TRIQK: variants seen among roughly 807,000 people sequenced by gnomAD.
TRIQK encodes triple QxxK/R motif-containing protein.
TRIQK carries 10 observed loss-of-function variants against 10.8 expected under a neutral mutation model. The ratio of observed to expected loss-of-function variants is 0.92; its 90% CI spans 0.57 to 1.57. The LOEUF is 1.57. TRIQK is among the 40% of genes most tolerant of loss of function. The pLI is 0.00. For missense variants in TRIQK, 107 were observed against 97.7 expected, an observed-to-expected ratio of 1.09 and a Z score of -0.40; for synonymous variants, 33 against 33.7, an observed-to-expected ratio of 0.98 and a Z score of 0.07.
rs146458451 is a variant in TRIQK at position 93,010,118 on chromosome 8, AGGGATG to A, written c.-181+7485_-181+7490del. On this transcript the variant is annotated intron_variant, in intron 1 of 4. Transcript: ENST00000520686. ...GTTATCAGAGACTGGGGAGAGTAGGAGGGATGGGGAATGAGGAGAGACGGGTAAAGG... is the reference window on the plus strand; with the variant it reads ...GTTATCAGAGACTGGGGAGAGTAGGAGGGAATGAGGAGAGACGGGTAAAGG... Among the ~76,000 whole-genome samples, 14 of 152,246 alleles carry A rather than the reference AGGGATG, an allele frequency of 9.2e-5. No individual in the cohort carries two copies. The East Asian group carries it at 2.7e-3, about 29-fold the overall frequency.
chr8:93,013,810 A>AC (rs1400240630), intron 1 of TRIQK, among the ~76,000 whole-genome samples: 1 of 152,144 alleles, frequency 6.6e-6, no homozygotes, highest in Non-Finnish European at 1.5e-5. Flanking sequence ...CTAATAAACA[A>AC]CCCACAATAA....
chr8:92,938,665 C>T (rs565047954), intron 2 of TRIQK, among the ~76,000 whole-genome samples: 7 of 152,154 alleles, frequency 4.6e-5, no homozygotes, highest in South Asian at 4.2e-4. Flanking sequence ...CATAACTAAC[C>T]GAGGCACTGT....
At chr8:92,920,289 G>A (rs758274590) in intron 2 of TRIQK, among the ~76,000 whole-genome samples, 5 of 151,486 alleles carry the variant, frequency 3.3e-5, no homozygotes, top group East Asian at 1.9e-4. Flanking sequence ...TGTTACAGTC[G>A]TAAGTATTCT....
chr8:92,994,927 TA>T (rs59817503), intron 1 of TRIQK, among the ~76,000 whole-genome samples: 1,881 of 150,938 alleles, frequency 0.012, 25 homozygotes, highest in African/African-American at 0.037. Flanking sequence ...TTCCTTCTCT[TA>T]AAAAAAAACT....
At chr8:92,920,360 T>C (rs1586426090) in intron 2 of TRIQK, among the ~76,000 whole-genome samples, 3 of 151,704 alleles carry the variant, frequency 2.0e-5, no homozygotes, top group African/African-American at 4.8e-5. Flanking sequence ...AAGATGAAGA[T>C]GAAGTCAGAC....
At chr8:92,910,470 C>A (rs535176101) in intron 3 of TRIQK, among the ~76,000 whole-genome samples, 108 of 150,742 alleles carry the variant, frequency 7.2e-4, no homozygotes, top group African/African-American at 2.5e-3. Flanking sequence ...AAGGAAAAAT[C>A]ACTACAAATG....
chr8:92,983,281 T>C (rs1443374779), intron 1 of TRIQK, among the ~76,000 whole-genome samples: 2 of 151,924 alleles, frequency 1.3e-5, no homozygotes, highest in Non-Finnish European at 2.9e-5. Flanking sequence ...AAATCTCAAT[T>C]CAAGTCAAAA....
chr8:92,972,810 T>G (rs543981683), intron 1 of TRIQK: 2 of 152,348 alleles, frequency 1.3e-5, no homozygotes, highest in South Asian at 4.1e-4. Context: ...GTATGAGAAC[T>G]GTACAGGCCC....
intron 2 of TRIQK, among the ~76,000 whole-genome samples, chr8:92,939,128 G>A (rs1214468572): frequency 6.6e-6 from 1 of 152,140 alleles, no homozygotes; most frequent in Admixed American, 6.5e-5. Flanking sequence ...TTTGTTGAGA[G>A]GAGAAAGAGA....
At chr8:92,989,984 A>G (rs1041397674) in intron 1 of TRIQK, among the ~76,000 whole-genome samples, 29 of 152,242 alleles carry the variant, frequency 1.9e-4, no homozygotes, top group Non-Finnish European at 2.6e-4. Context: ...TGACTTTAAT[A>G]AAGAGTTACT....
intron 1 of TRIQK, among the ~76,000 whole-genome samples, chr8:92,985,263 C>T (rs188988399): frequency 8.2e-4 from 125 of 152,232 alleles, no homozygotes; most frequent in Non-Finnish European, 1.5e-3. Context: ...TGCACATGCA[C>T]ATGCACAAAA....
chr8:92,996,098 TG>T (rs1813151592), intron 1 of TRIQK, among the ~76,000 whole-genome samples: 2 of 152,086 alleles, frequency 1.3e-5, no homozygotes, highest in African/African-American at 4.8e-5. Context: ...ATTTTATCAA[TG>T]TAAATAAAAT....
chr8:92,916,448 T>C (rs1271065245), intron 3 of TRIQK, among the ~76,000 whole-genome samples: 1 of 152,220 alleles, frequency 6.6e-6, no homozygotes, highest in African/African-American at 2.4e-5. Context: ...TTCTTTCACA[T>C]ATGACCTCTG....
intron 4 of TRIQK, among the ~76,000 whole-genome samples, chr8:92,889,232 C>T (rs1816640074): frequency 1.3e-5 from 2 of 151,592 alleles, no homozygotes; most frequent in South Asian, 4.1e-4. Flanking sequence ...GGTTAAGCCC[C>T]TATTGTATAA....
intron 2 of TRIQK, among the ~76,000 whole-genome samples, chr8:92,946,491 T>C (rs912139466): frequency 6.6e-6 from 1 of 152,124 alleles, no homozygotes; most frequent in Non-Finnish European, 1.5e-5. Context: ...AAATAAGGCA[T>C]TTAAAAATGA....
intron 2 of TRIQK, among the ~76,000 whole-genome samples, chr8:92,924,403 G>C (rs1316363644): frequency 6.6e-6 from 1 of 151,966 alleles, no homozygotes; most frequent in African/African-American, 2.4e-5. Flanking sequence ...ATGTTCCAGT[G>C]CACTAGGAAA....
rs1238656364 is a variant in TRIQK, at chr8:92,885,027, G to T, written c.*1595C>A. 2 of 456,076 alleles carry T rather than the reference G, an allele frequency of 4.4e-6. No individual in the cohort carries two copies. Among genetic ancestry groups the T allele is most frequent in the Non-Finnish European group, 8.8e-6 (2 of 226,696 alleles). 28.3% of individuals were successfully genotyped at this position (456,076 alleles called of 1,614,324 possible). Reference sequence around the variant, plus strand: ...ATGCCACTTGGATTGGTCCGCTGTGGTGAGTATATAAGAACTCTTGGTCTG... The same window carrying T: ...ATGCCACTTGGATTGGTCCGCTGTGTTGAGTATATAAGAACTCTTGGTCTG... On this transcript the variant is annotated 3_prime_UTR_variant, in exon 5 of 5. Coordinates refer to ENST00000521988, the MANE Select transcript of TRIQK (RefSeq NM_001171797.2).
chr8:92,954,593 T>C (rs1213823442), intron 1 of TRIQK, 29 bp from the exon 2 acceptor site: 4 of 151,916 alleles, frequency 2.6e-5, no homozygotes, highest in Non-Finnish European at 5.9e-5. Context: ...TATATAGAAA[T>C]AGTAAATGGA....
chr8:92,911,563 G>A (rs767287735), intron 3 of TRIQK, among the ~76,000 whole-genome samples: 16 of 151,128 alleles, frequency 1.1e-4, no homozygotes, highest in Admixed American at 3.3e-4. Context: ...CACACAGGCC[G>A]AAAGTAAAGA....
Sources: allele counts gnomAD v4.1 joint callset (sites outside exome capture counted in the v4.1 genomes callset), GRCh38; gene constraint gnomAD v4.1.1; transcripts MANE v1.5; gene names NCBI Gene and HGNC (gene_info 2026-07-23, HGNC 2026-07-21).